GABBR2: variants seen among roughly 807,000 people sequenced by gnomAD.
GABBR2 encodes the protein G-protein coupled receptor 51.
Under a neutral mutation model 105.6 loss-of-function variants are expected in GABBR2, and 23 were observed. That is an observed-to-expected ratio of 0.22 (90% CI 0.16 to 0.31). The LOEUF (loss-of-function observed/expected upper bound fraction) is 0.31. Ranked by LOEUF, GABBR2 falls within the 10% of genes least tolerant of loss-of-function variation. The pLI is 1.00. For missense variants in GABBR2, 734 were observed against 1,245.5 expected (o/e 0.59, Z 6.18); for synonymous variants, 478 against 499.7 (o/e 0.96, Z 0.58).
At chr9:98,406,162 A>T in intron 7 of GABBR2, 21 bp from the exon 8 acceptor site, 1 of 1,488,362 alleles carries the variant, frequency 6.7e-7, no homozygotes, top group Non-Finnish European at 9.2e-7. Flanking sequence ...AACAAAACAA[A>T]TCAAACAAGA....
At chr9:98,382,611 G>A (rs979818446) in intron 11 of GABBR2, among the ~76,000 whole-genome samples, 41 of 151,974 alleles carry the variant, frequency 2.7e-4, no homozygotes, top group African/African-American at 8.5e-4. Flanking sequence ...CACTGCACCC[G>A]GCCCCAGTAC....
intron 1 of GABBR2, among the ~76,000 whole-genome samples, chr9:98,632,372 G>C (rs534851822): frequency 1.3e-5 from 2 of 152,310 alleles, no homozygotes; most frequent in South Asian, 4.1e-4. Context: ...TCAATAAATG[G>C]AGTTCCTTGC....
Position 98,296,982 on chromosome 9 carries a change from A to G in GABBR2, c.2542+2242T>C, listed in dbSNP as rs191340053. On this transcript the variant is annotated intron_variant, in intron 17 of 18. Coordinates refer to ENST00000259455, the MANE Select transcript of GABBR2 (RefSeq NM_005458.8). ...CACTCTCTGAGATTATTTTTTAAAA[A>G]TTTTACTTTGGTTTCTTCTAGTACT... Among the ~76,000 whole-genome samples, 1,015 of 152,080 alleles carry G rather than the reference A, an allele frequency of 6.7e-3. 2 individuals carry two copies. Among genetic ancestry groups the G allele is most frequent in the Non-Finnish European group, 9.5e-3 (644 of 67,972 alleles).
intron 1 of GABBR2, among the ~76,000 whole-genome samples, chr9:98,592,281 C>T (rs1263978285): frequency 6.6e-6 from 1 of 152,212 alleles, no homozygotes; most frequent in African/African-American, 2.4e-5. Flanking sequence ...TCTCAGATCC[C>T]TTCCAGCCTA....
chr9:98,707,672 C>T (rs1830915489), intron 1 of GABBR2, among the ~76,000 whole-genome samples: 1 of 152,250 alleles, frequency 6.6e-6, no homozygotes, highest in Non-Finnish European at 1.5e-5. Flanking sequence ...CTGCCTGCAG[C>T]CGCCCGGCCA....
intron 1 of GABBR2, among the ~76,000 whole-genome samples, chr9:98,633,838 A>G (rs1356753353): frequency 6.6e-6 from 1 of 152,094 alleles, no homozygotes; most frequent in African/African-American, 2.4e-5. Flanking sequence ...CCATCAGAGG[A>G]GTCCTGTGTT....
chr9:98,693,303 C>T (rs1265512104), intron 1 of GABBR2, among the ~76,000 whole-genome samples: 6 of 152,168 alleles, frequency 3.9e-5, no homozygotes, highest in Admixed American at 6.5e-5. Flanking sequence ...GTTTCAGTCC[C>T]GGGCATTGAG....
intron 3 of GABBR2, among the ~76,000 whole-genome samples, chr9:98,528,145 G>A (rs902459331): frequency 6.6e-5 from 10 of 152,026 alleles, no homozygotes; most frequent in Non-Finnish European, 1.0e-4. Context: ...ATGTTGGTTT[G>A]CATTATATTT....
chr9:98,619,204 G>A (rs1829634524), intron 1 of GABBR2, among the ~76,000 whole-genome samples: 1 of 151,836 alleles, frequency 6.6e-6, no homozygotes, highest in Admixed American at 6.6e-5. Context: ...CCAAAAGAAG[G>A]TAATAAAAGA....
chr9:98,585,421 C>T (rs536350661), intron 1 of GABBR2, among the ~76,000 whole-genome samples: 1 of 145,292 alleles, frequency 6.9e-6, no homozygotes, highest in African/African-American at 2.6e-5. Flanking sequence ...TGTTCTCACT[C>T]ATAGGTGGGA....
At chr9:98,523,539 A>G (rs1371156066) in intron 3 of GABBR2, among the ~76,000 whole-genome samples, 1 of 152,264 alleles carries the variant, frequency 6.6e-6, no homozygotes, top group Non-Finnish European at 1.5e-5. Context: ...ATTTGGGAGT[A>G]GAGCTCTAAG....
chr9:98,349,562 G>A (rs889355620), intron 13 of GABBR2, among the ~76,000 whole-genome samples: 2 of 151,868 alleles, frequency 1.3e-5, no homozygotes. Context: ...CACCGTGTTG[G>A]TCAGGCTGGT....
At chr9:98,410,184 A>G (rs1832561724) in intron 7 of GABBR2, among the ~76,000 whole-genome samples, 1 of 151,476 alleles carries the variant, frequency 6.6e-6, no homozygotes, top group Non-Finnish European at 1.5e-5. Flanking sequence ...GTCTTTATGT[A>G]GAGATAAATA....
At chr9:98,612,091 G>A (rs1050516344) in intron 1 of GABBR2, among the ~76,000 whole-genome samples, 1 of 152,252 alleles carries the variant, frequency 6.6e-6, no homozygotes. Flanking sequence ...AGTCTGGAGA[G>A]AGGACAGCCA....
intron 1 of GABBR2, among the ~76,000 whole-genome samples, chr9:98,612,050 G>A (rs919861793): frequency 6.6e-6 from 1 of 152,228 alleles, no homozygotes; most frequent in Non-Finnish European, 1.5e-5. Flanking sequence ...AGAGAGAAGG[G>A]ACCACCTGCA....
intron 1 of GABBR2, among the ~76,000 whole-genome samples, chr9:98,579,322 A>C (rs547621571): frequency 1.1e-4 from 17 of 152,310 alleles, no homozygotes; most frequent in African/African-American, 4.1e-4. Flanking sequence ...GTTCACGGCG[A>C]CCCAGCATAG....
intron 1 of GABBR2, among the ~76,000 whole-genome samples, chr9:98,666,877 G>C (rs1210655706): frequency 6.6e-6 from 1 of 152,220 alleles, no homozygotes; most frequent in African/African-American, 2.4e-5. Flanking sequence ...AGGAGCCACT[G>C]CCCTGGTAGG....
chr9:98,379,894 T>C (rs897296558), intron 11 of GABBR2, among the ~76,000 whole-genome samples: 1 of 151,392 alleles, frequency 6.6e-6, no homozygotes, highest in African/African-American at 2.4e-5. Context: ...TATCTTAATT[T>C]AAAAAAATCT....
chr9:98,470,864 C>T (rs1826659334), intron 6 of GABBR2, among the ~76,000 whole-genome samples: 1 of 152,006 alleles, frequency 6.6e-6, no homozygotes, highest in Non-Finnish European at 1.5e-5. Flanking sequence ...ATGTATCTGG[C>T]ACCCTTTTAA....
Sources: gnomAD v4.1 joint callset for allele counts (sites outside exome capture counted in the v4.1 genomes callset) on GRCh38, gnomAD v4.1.1 for gene constraint, MANE v1.5 for transcripts, NCBI Gene and HGNC (gene_info 2026-07-23, HGNC 2026-07-21) for gene names.